Variants in MAP7 observed in about 807,000 individuals in gnomAD.
MAP7 encodes the protein ensconsin.
Under a neutral mutation model 94.8 loss-of-function variants are expected in MAP7, and 52 were observed. The observed-to-expected ratio is 0.55, with a 90% confidence interval of 0.44 to 0.69. The LOEUF is 0.69. Ranked by LOEUF, MAP7 falls within the 30% of genes least tolerant of loss-of-function variation. MAP7 has a pLI of 0.00. For missense variants in MAP7, 940 were observed against 964.6 expected, an observed-to-expected ratio of 0.97 and a Z score of 0.34; for synonymous variants, 350 against 357.0, an observed-to-expected ratio of 0.98 and a Z score of 0.22.
chr6:136,485,896 T>G lies in MAP7; in HGVS notation c.68-64097A>C, dbSNP rs77296530. Among the ~76,000 whole-genome samples, 126 of 152,292 alleles carry G rather than the reference T, an allele frequency of 8.3e-4. 1 individual carries two copies. In the East Asian group the frequency reaches 0.022, roughly 27 times the overall value. On this transcript the variant is annotated intron_variant, in intron 1 of 17. Coordinates refer to ENST00000354570, the MANE Select transcript of MAP7 (RefSeq NM_003980.6). ...TTTTTAATGCTTTAAATAGAACCTA[T>G]AATGCATTTTCACAGATGACAAAAA...
At chr6:136,421,875 A>G (rs1791488168) in intron 1 of MAP7, 76 bp from the exon 2 acceptor site, 2 of 1,122,908 alleles carry the variant, frequency 1.8e-6, no homozygotes, top group Non-Finnish European at 2.6e-6. Flanking sequence ...AGTATTCGAC[A>G]TTTACTGTTA....
Position 136,366,427 on chromosome 6 carries a change from C to A in MAP7, c.889G>T (p.Glu297Ter). ...AAGAGTACATTTTCTCTCTCTCTTT[C>A]TTTTTTATAGCTCTAAGTTCAGAGA... ...IIHGTASYKK[E>*]RERENVLFLT... The change falls in exon 9 of 18, where the codon GAA becomes TAA. Residue 297 changes from glutamate (E) to a stop codon, truncating the protein, a stop_gained. Coordinates refer to ENST00000354570, the MANE Select transcript of MAP7 (RefSeq NM_003980.6). LOFTEE classifies it high-confidence loss of function. The A allele has an allele frequency of 6.2e-7, 1 of 1,611,326 alleles. No homozygotes were observed. Among genetic ancestry groups the A allele is most frequent in the Non-Finnish European group, 8.5e-7 (1 of 1,177,556 alleles).
chr6:136,375,666 G>A (rs1775899341), intron 7 of MAP7, among the ~76,000 whole-genome samples: 1 of 152,126 alleles, frequency 6.6e-6, no homozygotes, highest in Non-Finnish European at 1.5e-5. Context: ...AGGAATTTTG[G>A]TTCATTAAAC....
At chr6:136,504,150 C>G (rs1820652915) in intron 1 of MAP7, among the ~76,000 whole-genome samples, 2 of 151,850 alleles carry the variant, frequency 1.3e-5, no homozygotes, top group Admixed American at 1.3e-4. Context: ...TTTAAGCACA[C>G]AAATGATGTA....
chr6:136,346,787 G>A (rs183979765), intron 16 of MAP7, among the ~76,000 whole-genome samples: 2 of 152,284 alleles, frequency 1.3e-5, no homozygotes, highest in East Asian at 1.9e-4. Flanking sequence ...TTGGAGGGGG[G>A]AGTAAATGAT....
At position 136,512,837 on chromosome 6, in the gene MAP7, T is replaced by C. The variant is rs577868322; in HGVS notation, c.67+37505A>G. ...TGGGGTGCTGCGGCAATTTCTTCCC[T>C]TTTTTTTTTTTTTTGAAAGGGTCTC... On this transcript the variant is annotated intron_variant, in intron 1 of 17. Transcript: ENST00000354570. Among the ~76,000 whole-genome samples, 136 of 133,522 alleles carry C rather than the reference T, an allele frequency of 1.0e-3. 5 individuals carry two copies. In the South Asian group the frequency reaches 0.029, roughly 29 times the overall value. 87.6% of individuals were successfully genotyped at this position (133,522 alleles called of 152,430 possible).
chr6:136,523,468 A>G (rs1183334715), intron 1 of MAP7, among the ~76,000 whole-genome samples: 1 of 152,272 alleles, frequency 6.6e-6, no homozygotes, highest in South Asian at 2.1e-4. Context: ...TGGACAGTGC[A>G]TATACAGAAC....
At chr6:136,517,763 T>C (rs2327739) in intron 1 of MAP7, among the ~76,000 whole-genome samples, 16,842 of 142,624 alleles carry the variant, frequency 0.12, 1,141 homozygotes, top group East Asian at 0.17. Context: ...AACTCTGACC[T>C]GTACCACTGA....
At position 136,348,220 on chromosome 6, in the gene MAP7, C is replaced by T. The variant is rs574918450; in HGVS notation, c.2016-2141G>A. Among the ~76,000 whole-genome samples the T allele has an allele frequency of 2.0e-5, 3 of 152,296 alleles. No homozygotes were observed. In the South Asian group the frequency reaches 6.2e-4, roughly 32 times the overall value. On this transcript the variant is annotated intron_variant, in intron 16 of 17. Coordinates refer to ENST00000354570, the MANE Select transcript of MAP7 (RefSeq NM_003980.6). ...GGAACGTATCTCCAGAGCCCCCTTT[C>T]CTTGGCAACCTTAACCTGTCACCTT...
intron 6 of MAP7, among the ~76,000 whole-genome samples, chr6:136,382,107 G>A (rs1213527055): frequency 6.6e-6 from 1 of 152,134 alleles, no homozygotes; most frequent in Non-Finnish European, 1.5e-5. Context: ...ACTAGAGTAG[G>A]TGATCTATCC....
At chr6:136,533,201 G>A (rs1248172799) in intron 1 of MAP7, among the ~76,000 whole-genome samples, 1 of 152,180 alleles carries the variant, frequency 6.6e-6, no homozygotes, top group Non-Finnish European at 1.5e-5. Flanking sequence ...GAACCCAGGA[G>A]GCAGAGGTTG....
At position 136,550,298 on chromosome 6, in the gene MAP7, T is replaced by G. The variant is rs1408447096; in HGVS notation, c.67+44A>C. The G allele has an allele frequency of 2.8e-6, 4 of 1,439,646 alleles. No homozygotes were observed. Among genetic ancestry groups the G allele is most frequent in the African/African-American group, 1.5e-5 (1 of 68,102 alleles). 89.2% of individuals were successfully genotyped at this position (1,439,646 alleles called of 1,614,324 possible). A position where few individuals can be genotyped will look rare whatever the true frequency, so the allele number is the denominator to read the frequency against. On this transcript the variant is annotated intron_variant, in intron 1 of 17. Transcript: ENST00000354570. The surrounding 1 kb of genome is among the most constrained non-coding windows in gnomAD (Gnocchi z 5.1). ...GCCAGCCCGCCGGCCCCGCTCGCCG[T>G]CCCCTGCCCGACGGGACCCCCACTA...
At chr6:136,411,525 A>G (rs1787446089) in intron 3 of MAP7, 95 bp downstream of exon 3, 2 of 1,014,158 alleles carry the variant, frequency 2.0e-6, no homozygotes, top group Admixed American at 2.6e-5. Context: ...TCTGCCTCAT[A>G]GTCCATCTGT....
intron 1 of MAP7, among the ~76,000 whole-genome samples, chr6:136,524,315 C>A (rs749832248): frequency 1.3e-5 from 2 of 152,036 alleles, no homozygotes; most frequent in Non-Finnish European, 2.9e-5. Flanking sequence ...TCCAAGACAT[C>A]CAAGGAAAAG....
chr6:136,413,963 A>G (rs947004651), intron 2 of MAP7, among the ~76,000 whole-genome samples: 1 of 137,912 alleles, frequency 7.3e-6, no homozygotes, highest in Non-Finnish European at 1.6e-5. Flanking sequence ...AAAATTGGTT[A>G]AATGGGCCGG....
rs913895918 is a variant in MAP7 at position 136,488,292 on chromosome 6, A to G, written c.67+62050T>C. 4.7e-4 allele frequency among the ~76,000 whole-genome samples: 71 copies of G among 152,284 alleles called. 1 individual carries two copies. Among genetic ancestry groups the G allele is most frequent in the African/African-American group, 1.6e-3 (68 of 41,570 alleles). ...GTATCAACTGTAGGAGAAGAAAACA[A>G]TATGTTTTCCATGTTTATTTTATGA... On this transcript the variant is annotated intron_variant, in intron 1 of 17. Coordinates refer to ENST00000354570, the MANE Select transcript of MAP7 (RefSeq NM_003980.6).
At chr6:136,458,850 G>A (rs978315063) in intron 1 of MAP7, among the ~76,000 whole-genome samples, 22 of 152,078 alleles carry the variant, frequency 1.4e-4, no homozygotes, top group African/African-American at 4.6e-4. Context: ...TCTTGGCAAT[G>A]ATTTCTTGAG....
At chr6:136,463,694 C>T (rs1228911547) in intron 1 of MAP7, among the ~76,000 whole-genome samples, 4 of 152,052 alleles carry the variant, frequency 2.6e-5, no homozygotes, top group Non-Finnish European at 5.9e-5. Context: ...TGCATAACTT[C>T]CTTGATCATC....
intron 17 of MAP7, among the ~76,000 whole-genome samples, 182 bp from the exon 18 acceptor site, chr6:136,344,420 T>C (rs1787131768): frequency 6.6e-6 from 1 of 152,220 alleles, no homozygotes; most frequent in Non-Finnish European, 1.5e-5. Context: ...CTGTTACTCA[T>C]AGGAAACATA....
Sources: allele counts gnomAD v4.1 joint callset (sites outside exome capture counted in the v4.1 genomes callset), GRCh38; gene constraint gnomAD v4.1.1; non-coding constraint Gnocchi (gnomAD v3.1); transcripts MANE v1.5; gene names NCBI Gene and HGNC (gene_info 2026-07-23, HGNC 2026-07-21).